Variants in MAEL observed in about 807,000 individuals in gnomAD.
MAEL encodes protein maelstrom homolog.
Under a neutral mutation model 62.0 loss-of-function variants are expected in MAEL, and 46 were observed. The observed-to-expected ratio is 0.74, with a 90% confidence interval of 0.59 to 0.95. The LOEUF is 0.95. Among genes scored for constraint, MAEL ranks in the 40% least tolerant of loss-of-function variants. MAEL has a pLI of 0.00. For synonymous variants in MAEL, 172 were observed against 175.5 expected (o/e 0.98, Z 0.16); for missense variants, 497 against 526.8 (o/e 0.94, Z 0.55).
At chr1:166,976,353 T>G (rs1663579522) in intron 1 of MAEL, among the ~76,000 whole-genome samples, 1 of 152,198 alleles carries the variant, frequency 6.6e-6, no homozygotes, top group Admixed American at 6.5e-5. Flanking sequence ...TGCTAAGAAC[T>G]AAGGTTACAA....
chr1:167,002,252 T>C (rs1206042128), intron 5 of MAEL, among the ~76,000 whole-genome samples: 2 of 152,252 alleles, frequency 1.3e-5, no homozygotes, highest in Admixed American at 6.5e-5. Context: ...AAGTTTATTT[T>C]GCCATTATAA....
rs371448725 is a variant in MAEL at position 166,989,305 on chromosome 1, C to T, written c.-48C>T. 3.0e-4 allele frequency: 479 copies of T among 1,577,752 alleles called. 1 individual carries two copies. The highest frequency in any genetic ancestry group is 3.9e-4 in the Non-Finnish European group (451 of 1,160,896). ...ACTTAGGGCGGGAGCCCGGCGAGGGCGCCGGTGCTTTGTTCTGTCTGAGGC... is the reference window on the plus strand; with the variant it reads ...ACTTAGGGCGGGAGCCCGGCGAGGGTGCCGGTGCTTTGTTCTGTCTGAGGC... On this transcript the variant is annotated 5_prime_UTR_variant, in exon 1 of 12. Transcript: ENST00000367872.
rs753305497 is a variant in MAEL, at chr1:166,994,060, C to T, written c.514C>T (p.Gln172Ter). 1.9e-6 allele frequency: 3 copies of T among 1,613,144 alleles called. No individual in the cohort carries two copies. The highest frequency in any genetic ancestry group is 2.5e-6 in the Non-Finnish European group (3 of 1,179,524). Residue 172 changes from glutamine (Q) to a stop codon, truncating the protein, a stop_gained, in exon 5 of 12, where the codon CAG becomes TAG. Transcript: ENST00000367872. LOFTEE classifies it high-confidence loss of function. Reference protein sequence around the residue: ...EIPRGFRFHCQAASDSSHKIP... With the variant: ...EIPRGFRFHC ...TCCACGAGGATTTCGATTTCATTGT[C>T]AGGCTGCAAGTAAGTATAAAGGAAT...
chr1:166,982,081 C>A (rs1169079024), intron 1 of MAEL, among the ~76,000 whole-genome samples: 3 of 152,098 alleles, frequency 2.0e-5, no homozygotes, highest in Non-Finnish European at 4.4e-5. Context: ...AAAGACATTG[C>A]AAGGAGTCAC....
upstream of MAEL, among the ~76,000 whole-genome samples, chr1:166,986,075 G>C (rs7551881): frequency 6.6e-6 from 1 of 151,982 alleles, no homozygotes; most frequent in Admixed American, 6.5e-5. Flanking sequence ...ATGCAGATTA[G>C]ACATTACAGA....
At chr1:167,000,250 A>G (rs1341974214) in intron 5 of MAEL, among the ~76,000 whole-genome samples, 4 of 152,238 alleles carry the variant, frequency 2.6e-5, no homozygotes, top group Non-Finnish European at 5.9e-5. Context: ...TGCCATTAAG[A>G]ACATACATAA....
At chr1:166,989,262 C>T, upstream of MAEL, 1 of 1,484,770 alleles carries the variant, frequency 6.7e-7, no homozygotes, top group Non-Finnish European at 9.0e-7. Context: ...GCTGCGTGCG[C>T]AGGCGCCTAC....
rs142263945 is a variant in MAEL at position 167,014,936 on chromosome 1, A to T, written c.846-1286A>T. ...TACTCAAGAGGCTGAGGCACGAGTT[A>T]TCATTTGAACCCTGGAGGTGGAGGT... On this transcript the variant is annotated intron_variant, in intron 8 of 11. Coordinates refer to ENST00000367872, the MANE Select transcript of MAEL (RefSeq NM_032858.3). Among the ~76,000 whole-genome samples the T allele has an allele frequency of 3.3e-4, 50 of 152,270 alleles. 1 individual carries two copies. In the East Asian group the frequency reaches 8.9e-3, roughly 27 times the overall value.
chr1:167,000,054 T>G (rs1047167524), intron 5 of MAEL, among the ~76,000 whole-genome samples: 1 of 152,204 alleles, frequency 6.6e-6, no homozygotes, highest in Admixed American at 6.5e-5. Context: ...GTAAAGAGAT[T>G]AATGTTTTCA....
upstream of MAEL, among the ~76,000 whole-genome samples, chr1:166,985,571 G>T (rs1199628031): frequency 6.6e-6 from 1 of 152,196 alleles, no homozygotes; most frequent in Non-Finnish European, 1.5e-5. Context: ...TATATCAGTA[G>T]AGGAGAAAAT....
At chr1:166,989,997 A>G in intron 2 of MAEL, 168 bp downstream of exon 2, 1 of 609,832 alleles carries the variant, frequency 1.6e-6, no homozygotes, top group East Asian at 2.8e-5. Context: ...GTTAAAAAAA[A>G]CCAACAGCCT....
intron 10 of MAEL, among the ~76,000 whole-genome samples, chr1:167,020,024 C>G (rs1665557265): frequency 6.6e-6 from 1 of 152,172 alleles, no homozygotes; most frequent in Admixed American, 6.5e-5. Flanking sequence ...TTTCAAACAT[C>G]CCCCTCTCAG....
intron 1 of MAEL, among the ~76,000 whole-genome samples, chr1:166,983,628 G>C (rs1663826368): frequency 1.3e-5 from 2 of 152,026 alleles, no homozygotes; most frequent in Non-Finnish European, 2.9e-5. Flanking sequence ...TTTCTGAATA[G>C]AAAAAAATCA....
At chr1:167,018,461 C>G (rs1486481552) in intron 10 of MAEL, among the ~76,000 whole-genome samples, 1 of 152,034 alleles carries the variant, frequency 6.6e-6, no homozygotes, top group East Asian at 1.9e-4. Flanking sequence ...TTAGGTTCTG[C>G]TACATACAAG....
intron 5 of MAEL, among the ~76,000 whole-genome samples, chr1:166,994,974 ATTTTTTT>A (rs944951589): frequency 2.7e-5 from 3 of 110,192 alleles, no homozygotes; most frequent in Non-Finnish European, 3.8e-5. Context: ...CCACCCAGTA[ATTTTTTT>A]TTTTTTTTTT....
chr1:167,008,228 C>T (rs1379385010), intron 8 of MAEL, among the ~76,000 whole-genome samples: 4 of 152,096 alleles, frequency 2.6e-5, no homozygotes, highest in Admixed American at 1.3e-4. Flanking sequence ...ATTTTTCTCA[C>T]ACAGATTGTG....
intron 1 of MAEL, 68 bp downstream of exon 1, chr1:166,989,552 G>A (rs1455300981): frequency 6.5e-7 from 1 of 1,546,888 alleles, no homozygotes; most frequent in Non-Finnish European, 8.8e-7. Context: ...AGGCGGGAGG[G>A]CAGAAGGCCT....
upstream of MAEL, among the ~76,000 whole-genome samples, chr1:166,984,108 C>T (rs1019642312): frequency 2.0e-5 from 3 of 152,098 alleles, no homozygotes; most frequent in Admixed American, 6.5e-5. Context: ...TCTCCCTCTG[C>T]CCCAAAGTCC....
chr1:166,991,843 T>C (rs1371394642), intron 3 of MAEL, among the ~76,000 whole-genome samples: 1 of 152,312 alleles, frequency 6.6e-6, no homozygotes, highest in African/African-American at 2.4e-5. Context: ...TTAATGTATG[T>C]TTCAAAATTG....
Sources: gnomAD v4.1 joint callset for allele counts (sites outside exome capture counted in the v4.1 genomes callset) on GRCh38, gnomAD v4.1.1 for gene constraint, MANE v1.5 for transcripts, NCBI Gene and HGNC (gene_info 2026-07-23, HGNC 2026-07-21) for gene names.